The following WDR49 variants were observed in gnomAD, a reference collection of about 807,000 sequenced individuals.
WDR49 encodes WD repeat domain 49.
A neutral mutation model predicts 119.5 loss-of-function variants in WDR49; 107 were observed. The observed-to-expected ratio is 0.90, with a 90% CI of 0.77 to 1.05. The LOEUF is 1.05. Among genes scored for constraint, WDR49 ranks in the 50% least tolerant of loss-of-function variants. WDR49 has a pLI of 0.00. For missense variants in WDR49, 1,240 were observed against 1,220.5 expected (o/e 1.02, Z -0.24); for synonymous variants, 425 against 418.8 (o/e 1.01, Z -0.18).
intron 13 of WDR49, among the ~76,000 whole-genome samples, chr3:167,530,247 C>T (rs1416384194): frequency 6.6e-6 from 1 of 151,874 alleles, no homozygotes; most frequent in Non-Finnish European, 1.5e-5. Context: ...ATATGGGAAA[C>T]AATAAACATA....
intron 3 of WDR49, among the ~76,000 whole-genome samples, chr3:167,623,891 A>G (rs1043968184): frequency 3.3e-5 from 5 of 152,156 alleles, no homozygotes; most frequent in South Asian, 2.1e-4. Flanking sequence ...TGAAAAATCT[A>G]TTGTATTTCT....
intron 16 of WDR49, among the ~76,000 whole-genome samples, chr3:167,506,158 C>G (rs1751760999): frequency 6.6e-6 from 1 of 152,188 alleles, no homozygotes; most frequent in East Asian, 1.9e-4. Context: ...CCTCTTCCTT[C>G]TGCCTCCCTT....
At chr3:167,594,961 A>G (rs1401593581) in intron 7 of WDR49, among the ~76,000 whole-genome samples, 1 of 150,696 alleles carries the variant, frequency 6.6e-6, no homozygotes, top group African/African-American at 2.4e-5. Flanking sequence ...TTGTATATCT[A>G]GAAAACCCCA....
At chr3:167,530,212 A>T (rs950529496) in intron 13 of WDR49, among the ~76,000 whole-genome samples, 4 of 152,126 alleles carry the variant, frequency 2.6e-5, no homozygotes, top group African/African-American at 9.7e-5. Context: ...TATGAAAATT[A>T]TACAGATTTT....
chr3:167,613,960 T>C (rs1176336005), intron 5 of WDR49, among the ~76,000 whole-genome samples: 1 of 150,920 alleles, frequency 6.6e-6, no homozygotes, highest in Non-Finnish European at 1.5e-5. Flanking sequence ...AAAAAGCAAT[T>C]AGTGATTTTG....
intron 16 of WDR49, among the ~76,000 whole-genome samples, chr3:167,506,325 T>C (rs1751766525): frequency 6.6e-6 from 1 of 152,206 alleles, no homozygotes. Flanking sequence ...TTGCTGTGGA[T>C]TTAAAGGAGA....
chr3:167,489,375 A>T (rs1285106206), intron 18 of WDR49, among the ~76,000 whole-genome samples: 1 of 152,134 alleles, frequency 6.6e-6, no homozygotes, highest in South Asian at 2.1e-4. Context: ...GTGATTCTCC[A>T]TGTCACATAT....
At chr3:167,495,609 G>A (rs1751324216) in intron 18 of WDR49, among the ~76,000 whole-genome samples, 1 of 151,550 alleles carries the variant, frequency 6.6e-6, no homozygotes. Context: ...AAGAGAGCAG[G>A]AATGAGAATA....
chr3:167,627,414 A>G, intron 2 of WDR49, 122 bp from the exon 3 acceptor site: 3 of 975,566 alleles, frequency 3.1e-6, no homozygotes, highest in Non-Finnish European at 2.6e-6. Flanking sequence ...AAAGAAAAAT[A>G]TTTTTTGCTT....
rs191232559 is a variant in WDR49, at chr3:167,519,260, C to T, written c.2774+3055G>A. Among the ~76,000 whole-genome samples, 152 of 152,220 alleles carry T rather than the reference C, an allele frequency of 1.0e-3. No homozygotes were observed. In the Middle Eastern group the frequency reaches 0.014, roughly 14 times the overall value. On this transcript the variant is annotated intron_variant, in intron 16 of 18. Coordinates refer to ENST00000682715, the MANE Select transcript of WDR49 (RefSeq NM_001366157.1). ...GAACCAGAAATAGTATTTAAACTAC[C>T]ATTTGACCCAGCAATCTCATTACTG...
chr3:167,621,300 G>C (rs781482271), intron 4 of WDR49, among the ~76,000 whole-genome samples, 167 bp downstream of exon 4: 1 of 152,048 alleles, frequency 6.6e-6, no homozygotes, highest in Non-Finnish European at 1.5e-5. Flanking sequence ...GTTTTTGTAC[G>C]CAAGAAGACA....
chr3:167,595,355 T>A (rs1715363716), intron 7 of WDR49, among the ~76,000 whole-genome samples: 1 of 151,832 alleles, frequency 6.6e-6, no homozygotes, highest in African/African-American at 2.4e-5. Flanking sequence ...CCTCACAGAA[T>A]TGGAAAAAAC....
At chr3:167,509,643 CAAGATGACCCA>C (rs772200830) in intron 16 of WDR49, among the ~76,000 whole-genome samples, 2 of 152,282 alleles carry the variant, frequency 1.3e-5, no homozygotes, top group Non-Finnish European at 2.9e-5. Context: ...TGACCTTTAG[CAAGATGACCCA>C]AAGGCCTTTA....
At chr3:167,544,188 C>T (rs1406617791) in intron 10 of WDR49, among the ~76,000 whole-genome samples, 1 of 151,868 alleles carries the variant, frequency 6.6e-6, no homozygotes, top group Non-Finnish European at 1.5e-5. Context: ...AATGGAAACA[C>T]ATCCCATGCT....
At chr3:167,504,982 C>T (rs1751710704) in intron 17 of WDR49, among the ~76,000 whole-genome samples, 1 of 152,182 alleles carries the variant, frequency 6.6e-6, no homozygotes, top group African/African-American at 2.4e-5. Context: ...GGTTCCTGTA[C>T]AGCCTGCAGA....
intron 9 of WDR49, among the ~76,000 whole-genome samples, chr3:167,555,342 G>T (rs948010948): frequency 3.9e-5 from 6 of 152,146 alleles, no homozygotes; most frequent in Admixed American, 1.3e-4. Flanking sequence ...GAGTCCACAT[G>T]CCTTGCATTA....
chr3:167,593,708 T>A (rs1715256899), intron 7 of WDR49, among the ~76,000 whole-genome samples: 1 of 152,070 alleles, frequency 6.6e-6, no homozygotes, highest in African/African-American at 2.4e-5. Context: ...AGGTGTTTAT[T>A]GTAGTCTTCA....
chr3:167,577,820 T>C (rs191264931), intron 7 of WDR49, among the ~76,000 whole-genome samples: 6 of 152,298 alleles, frequency 3.9e-5, no homozygotes, highest in African/African-American at 4.8e-5. Context: ...GGCAACCTTA[T>C]AGTTTTTAAC....
intron 8 of WDR49, among the ~76,000 whole-genome samples, chr3:167,563,813 G>A (rs188562851): frequency 3.9e-5 from 6 of 152,218 alleles, no homozygotes; most frequent in Admixed American, 2.0e-4. Context: ...GTTAACTGTA[G>A]TCACCATATA....
Sources: gnomAD v4.1 joint callset for allele counts (sites outside exome capture counted in the v4.1 genomes callset) on GRCh38, gnomAD v4.1.1 for gene constraint, MANE v1.5 for transcripts, NCBI Gene and HGNC (gene_info 2026-07-23, HGNC 2026-07-21) for gene names.